The following ADAMTSL1 variants were observed in gnomAD, a reference collection of about 807,000 sequenced individuals.
The protein encoded by ADAMTSL1 is ADAMTS like 1.
A neutral mutation model predicts 201.8 loss-of-function variants in ADAMTSL1; 126 were observed. The ratio of observed to expected loss-of-function variants is 0.62; its 90% CI spans 0.54 to 0.72. The LOEUF is 0.72. Ranked by LOEUF, ADAMTSL1 falls within the 30% of genes least tolerant of loss-of-function variation. ADAMTSL1 has a pLI of 0.00. For missense variants in ADAMTSL1, 2,679 were observed against 2,277.8 expected (o/e 1.18, Z -3.59); for synonymous variants, 1,121 against 903.4 (o/e 1.24, Z -4.32).
chr9:17,912,871 A>G (rs1365506421), intron 1 of ADAMTSL1, among the ~76,000 whole-genome samples: 1 of 151,496 alleles, frequency 6.6e-6, no homozygotes, highest in Non-Finnish European at 1.5e-5. Flanking sequence ...TATAAGGTGT[A>G]AGGAAGGGAT....
intron 2 of ADAMTSL1, among the ~76,000 whole-genome samples, chr9:18,299,811 T>C (rs1833629087): frequency 6.6e-6 from 1 of 151,660 alleles, no homozygotes; most frequent in Admixed American, 6.6e-5. Flanking sequence ...CTGTGAAATA[T>C]GAAAGACATC....
chr9:18,327,896 TA>T (rs1185041222), intron 2 of ADAMTSL1, among the ~76,000 whole-genome samples: 2 of 152,216 alleles, frequency 1.3e-5, no homozygotes, highest in Middle Eastern at 3.2e-3. Context: ...TTTAGCTGTG[TA>T]GATTGTGGAA....
At chr9:18,139,760 T>A (rs1021111648) in intron 1 of ADAMTSL1, among the ~76,000 whole-genome samples, 1 of 152,188 alleles carries the variant, frequency 6.6e-6, no homozygotes, top group African/African-American at 2.4e-5. Flanking sequence ...TTTTTCCCAC[T>A]CATATTGGTC....
intron 1 of ADAMTSL1, among the ~76,000 whole-genome samples, chr9:18,110,349 T>C (rs929613833): frequency 1.4e-5 from 2 of 145,022 alleles, no homozygotes; most frequent in Non-Finnish European, 3.1e-5. Context: ...TTGCGAACTG[T>C]GGCCCAGCGA....
At chr9:18,269,525 A>C (rs978582149) in intron 2 of ADAMTSL1, among the ~76,000 whole-genome samples, 2 of 152,198 alleles carry the variant, frequency 1.3e-5, no homozygotes, top group Non-Finnish European at 2.9e-5. Context: ...GTTTTCTAAG[A>C]ACAGATAGAT....
intron 2 of ADAMTSL1, among the ~76,000 whole-genome samples, chr9:18,192,796 A>C (rs996388020): frequency 2.6e-5 from 4 of 152,144 alleles, no homozygotes; most frequent in African/African-American, 7.2e-5. Flanking sequence ...GAAAGAAAAG[A>C]CTGGCCAACT....
At chr9:18,160,382 T>C (rs1480369158) in intron 1 of ADAMTSL1, among the ~76,000 whole-genome samples, 1 of 151,980 alleles carries the variant, frequency 6.6e-6, no homozygotes, top group Non-Finnish European at 1.5e-5. Flanking sequence ...GGAAGAGATT[T>C]AAGTTTTTAA....
At chr9:18,618,872 T>TA (rs1482366545) in intron 4 of ADAMTSL1, among the ~76,000 whole-genome samples, 5 of 152,170 alleles carry the variant, frequency 3.3e-5, no homozygotes, top group Admixed American at 6.6e-5. Context: ...TAACTGCATA[T>TA]AATGCTAACC....
chr9:18,745,942 AC>A (rs1819115664), intron 15 of ADAMTSL1, among the ~76,000 whole-genome samples: 1 of 152,098 alleles, frequency 6.6e-6, no homozygotes, highest in African/African-American at 2.4e-5. Flanking sequence ...ACCACTCCCC[AC>A]CAAACCTCAC....
At chr9:18,035,877 T>C in intron 1 of ADAMTSL1, among the ~76,000 whole-genome samples, 1 of 152,162 alleles carries the variant, frequency 6.6e-6, no homozygotes, top group East Asian at 1.9e-4. Flanking sequence ...ACTCAAAAAA[T>C]AATTTTTGTC....
chr9:18,476,048 T>G (rs1459563438), intron 1 of ADAMTSL1, among the ~76,000 whole-genome samples: 5 of 152,144 alleles, frequency 3.3e-5, no homozygotes, highest in Non-Finnish European at 7.4e-5. Context: ...TTACAATAAT[T>G]GTATTATAAA....
At chr9:18,268,920 C>T (rs182432145) in intron 2 of ADAMTSL1, among the ~76,000 whole-genome samples, 84 of 152,136 alleles carry the variant, frequency 5.5e-4, no homozygotes, top group African/African-American at 2.0e-3. Flanking sequence ...ATGTATATCT[C>T]AATAAGCTAA....
intron 9 of ADAMTSL1, 25 bp downstream of exon 9, chr9:18,662,098 TG>T: frequency 6.2e-7 from 1 of 1,602,690 alleles, no homozygotes. Context: ...CTAGTTCATT[TG>T]TCATAAACAT....
chr9:17,919,105 G>C (rs1826206476), intron 1 of ADAMTSL1, among the ~76,000 whole-genome samples: 1 of 151,010 alleles, frequency 6.6e-6, no homozygotes, highest in Non-Finnish European at 1.5e-5. Flanking sequence ...TCCCATTATA[G>C]TATGACTTCC....
chr9:18,666,218 TAC>T (rs1303661249), intron 9 of ADAMTSL1, among the ~76,000 whole-genome samples: 1 of 152,196 alleles, frequency 6.6e-6, no homozygotes, highest in Non-Finnish European at 1.5e-5. Flanking sequence ...TGGTGTCATT[TAC>T]ACAGTTATTT....
At chr9:18,597,223 A>G (rs1056738843) in intron 4 of ADAMTSL1, among the ~76,000 whole-genome samples, 4 of 152,126 alleles carry the variant, frequency 2.6e-5, no homozygotes, top group Admixed American at 6.6e-5. Context: ...ATCTTTTAAT[A>G]TATTTGTGCC....
At chr9:18,157,358 G>A (rs879366157) in intron 1 of ADAMTSL1, among the ~76,000 whole-genome samples, 4 of 151,954 alleles carry the variant, frequency 2.6e-5, no homozygotes, top group Non-Finnish European at 5.9e-5. Flanking sequence ...TCAAGGTGTA[G>A]ATATCTATCT....
intron 20 of ADAMTSL1, among the ~76,000 whole-genome samples, chr9:18,803,475 T>C (rs1159360082): frequency 6.6e-6 from 1 of 152,184 alleles, no homozygotes; most frequent in African/African-American, 2.4e-5. Flanking sequence ...TTCAGCTGAT[T>C]AGCAATGTTA....
intron 1 of ADAMTSL1, among the ~76,000 whole-genome samples, chr9:17,980,689 C>T (rs1434774933): frequency 6.6e-6 from 1 of 152,048 alleles, no homozygotes; most frequent in Non-Finnish European, 1.5e-5. Flanking sequence ...AAGAGAAACA[C>T]AAAAGAGAGG....
Sources: allele counts gnomAD v4.1 joint callset (sites outside exome capture counted in the v4.1 genomes callset), GRCh38; gene constraint gnomAD v4.1.1; transcripts MANE v1.5; gene names NCBI Gene and HGNC (gene_info 2026-07-23, HGNC 2026-07-21).